Variants in KXD1 observed in about 807,000 individuals in gnomAD.
The protein encoded by KXD1 is KxDL motif containing 1, also known as kxDL motif-containing protein 1.
A neutral mutation model predicts 12.1 loss-of-function variants in KXD1; 5 were observed. The ratio of observed to expected loss-of-function variants is 0.41; its 90% CI spans 0.22 to 0.87. The LOEUF is 0.87. Among genes scored for constraint, KXD1 ranks in the 40% least tolerant of loss-of-function variants. The pLI is 0.31. For missense variants in KXD1, 193 were observed against 244.9 expected (o/e 0.79, Z 1.41); for synonymous variants, 98 against 100.5 (o/e 0.98, Z 0.15).
chr19:18,568,355 G>T, intron 4 of KXD1, 47 bp from the exon 5 acceptor site: 1 of 1,427,202 alleles, frequency 7.0e-7, no homozygotes, highest in Non-Finnish European at 9.8e-7. Flanking sequence ...CTACATCACA[G>T]AGCTTGGCAA....
chr19:18,559,918 CCTCT>C (rs534612765), intron 1 of KXD1: 5 of 151,294 alleles, frequency 3.3e-5, no homozygotes, highest in South Asian at 2.1e-4. Flanking sequence ...CTCTTTCTCT[CCTCT>C]CTCTTTCTCT....
chr19:18,566,492 A>G (rs980482524), intron 3 of KXD1, among the ~76,000 whole-genome samples: 10 of 151,160 alleles, frequency 6.6e-5, no homozygotes, highest in African/African-American at 2.4e-4. Flanking sequence ...CTAGACACAT[A>G]ATGAAAAGGC....
At chr19:18,566,455 CAA>C (rs564291660) in intron 3 of KXD1, among the ~76,000 whole-genome samples, 10 of 116,618 alleles carry the variant, frequency 8.6e-5, no homozygotes, top group Admixed American at 1.8e-4. Context: ...GACTCCGTCT[CAA>C]AAAAAAAAAA....
In KXD1 at chr19:18,568,439, A is replaced by G. The variant is rs1243508999; in HGVS notation, c.339A>G (p.Glu113=). 4.3e-6 allele frequency: 7 copies of G among 1,613,874 alleles called. No individual in the cohort carries two copies. The East Asian group carries it at 1.3e-4, about 31-fold the overall frequency. ...PEASFLEEED[E]DPIPPSTTTT... is the part of the protein sequence containing the mutation. ...CATCCTTCCTGGAGGAAGAGGATGA[A>G]GACCCCATCCCACCCAGCACCACGA... Residue 113 remains glutamate (E), a synonymous_variant, in exon 5 of 5, where the codon GAA becomes GAG. Coordinates refer to ENST00000222307, the MANE Select transcript of KXD1 (RefSeq NM_024069.4).
chr19:18,562,433 A>C (rs1227744997), intron 2 of KXD1, among the ~76,000 whole-genome samples: 1 of 151,998 alleles, frequency 6.6e-6, no homozygotes, highest in Admixed American at 6.6e-5. Flanking sequence ...GAAGGACCAG[A>C]GGGGGCCACA....
intron 1 of KXD1, chr19:18,559,892 CTT>C (rs1974852963): frequency 7.0e-6 from 1 of 143,046 alleles, no homozygotes; most frequent in African/African-American, 2.5e-5. Context: ...TTCTTTCTCT[CTT>C]TCTCTGTCTC....
chr19:18,559,034 C>A (rs1977029884), intron 1 of KXD1: 1 of 126,026 alleles, frequency 7.9e-6, no homozygotes, highest in South Asian at 2.8e-4. Context: ...GTAGCCCACA[C>A]TAGAATGCAG....
chr19:18,564,980 A>G lies in KXD1; in HGVS notation c.213A>G (p.Val71=). The change falls in exon 3 of 5, where the codon GTA becomes GTG. Residue 71 remains valine, a synonymous_variant. Coordinates refer to ENST00000222307, the MANE Select transcript of KXD1 (RefSeq NM_024069.4). The part of the protein sequence containing the change: ...ERFLHHTRTL[V]EMKRDLDSIF... ...TCCTGCACCACACGAGGACCCTAGT[A>G]GAGATGAAACGGGACCTGGACAGCA... 6.2e-7 allele frequency: 1 copy of G among 1,610,900 alleles called. No individual in the cohort carries two copies. Among genetic ancestry groups the G allele is most frequent in the Non-Finnish European group, 8.5e-7 (1 of 1,179,986 alleles).
Position 18,562,121 on chromosome 19 carries a change from A to G in KXD1, c.65A>G (p.Asp22Gly). The change falls in exon 2 of 5, where the codon GAT (aspartate) becomes GGT (glycine). Residue 22 changes from aspartate to glycine, a missense_variant. Transcript: ENST00000222307. ...CGRILSMVNT[D>G]DVNAIILAQK... is the part of the protein sequence containing the mutation. ...CGCATCCTGAGCATGGTGAACACAG[A>G]TGATGTCAACGCCATCATCCTGGCC... 6.2e-7 allele frequency: 1 copy of G among 1,613,214 alleles called. No individual in the cohort carries two copies. Among genetic ancestry groups the G allele is most frequent in the Non-Finnish European group, 8.5e-7 (1 of 1,179,554 alleles).
rs1975394941 is a variant in KXD1, at chr19:18,569,008, T to C, written c.*377T>C. ...TCCCCCACCACCGGTCAGGACCTCC[T>C]TGAGGTGCACAAGCACGGTCTCCTC... is the stretch of plus-strand genomic sequence containing the variant. On this transcript the variant is annotated 3_prime_UTR_variant, in exon 5 of 5. Coordinates refer to ENST00000222307, the MANE Select transcript of KXD1 (RefSeq NM_024069.4). The C allele has an allele frequency of 1.9e-5, 5 of 257,812 alleles. No homozygotes were observed. The Admixed American group carries it at 2.5e-4, about 13-fold the overall frequency. The allele number at this position is 257,812 out of a possible 1,614,324, so 16.0% of individuals were successfully genotyped here. A position where few individuals can be genotyped will look rare whatever the true frequency, so the allele number is the denominator to read the frequency against.
intron 4 of KXD1, 86 bp from the exon 5 acceptor site, chr19:18,568,316 G>C: frequency 2.1e-6 from 2 of 932,658 alleles, no homozygotes; most frequent in South Asian, 1.5e-5. Context: ...GGTGAGGGCA[G>C]CCGTTAGGGG....
chr19:18,562,217 T>C (rs1189941560), intron 2 of KXD1, 60 bp downstream of exon 2: 1 of 1,319,490 alleles, frequency 7.6e-7, no homozygotes, highest in East Asian at 2.6e-5. Flanking sequence ...CCAACATTCT[T>C]GTCTTGCCCG....
chr19:18,569,255 A>T lies in KXD1; in HGVS notation c.*624A>T, dbSNP rs1286717661. 1 of 152,940 alleles carries T rather than the reference A, an allele frequency of 6.5e-6. No individual in the cohort carries two copies. Among genetic ancestry groups the T allele is most frequent in the Non-Finnish European group, 1.5e-5 (1 of 68,280 alleles). 9.5% of individuals were successfully genotyped at this position (152,940 alleles called of 1,614,324 possible). On this transcript the variant is annotated 3_prime_UTR_variant, in exon 5 of 5. Coordinates refer to ENST00000222307, the MANE Select transcript of KXD1 (RefSeq NM_024069.4). ...CTGAGGGGCCAGCAGGCCTCTCTGA[A>T]GGCCTCCATGGAGCAAACGGAGCCA...
intron 3 of KXD1, among the ~76,000 whole-genome samples, chr19:18,566,877 C>T (rs1975266664): frequency 6.6e-6 from 1 of 152,162 alleles, no homozygotes; most frequent in Non-Finnish European, 1.5e-5. Context: ...TGCCTAGGCT[C>T]AGAGCACCCA....
intron 1 of KXD1, among the ~76,000 whole-genome samples, chr19:18,561,036 G>A (rs1307044385): frequency 6.6e-6 from 1 of 152,012 alleles, no homozygotes; most frequent in African/African-American, 2.4e-5. Context: ...ACGTTGTGGC[G>A]GTGACAGGCA....
chr19:18,568,157 C>T (rs1975346625), intron 4 of KXD1, among the ~76,000 whole-genome samples: 1 of 151,576 alleles, frequency 6.6e-6, no homozygotes, highest in Non-Finnish European at 1.5e-5. Context: ...GTCTCAGCTA[C>T]TCAGGAGGTT....
chr19:18,559,166 T>C (rs1196925871), intron 1 of KXD1: 3 of 152,032 alleles, frequency 2.0e-5, no homozygotes. Context: ...TTTTGTATTT[T>C]TAGTAGAGAC....
At position 18,564,981 on chromosome 19, in the gene KXD1, G is replaced by C. The variant is rs1220301403; in HGVS notation, c.214G>C (p.Glu72Gln). Residue 72 changes from glutamate to glutamine, a missense_variant, in exon 3 of 5, where the codon GAG becomes CAG. Glu to Gln is a conservative substitution (Grantham distance 29). Coordinates refer to ENST00000222307, the MANE Select transcript of KXD1 (RefSeq NM_024069.4). ...CCTGCACCACACGAGGACCCTAGTA[G>C]AGATGAAACGGGACCTGGACAGCAT... The part of the protein sequence containing the change: ...RFLHHTRTLV[E>Q]MKRDLDSIFR... 5 of 1,610,288 alleles carry C rather than the reference G, an allele frequency of 3.1e-6. No individual in the cohort carries two copies. Among genetic ancestry groups the C allele is most frequent in the Non-Finnish European group, 4.2e-6 (5 of 1,180,000 alleles).
intron 2 of KXD1, among the ~76,000 whole-genome samples, chr19:18,563,662 G>A (rs965849088): frequency 9.9e-5 from 15 of 151,738 alleles, no homozygotes; most frequent in Admixed American, 9.8e-4. Context: ...CGCCACCACG[G>A]CCAGCTAATT....
Sources: gnomAD v4.1 joint callset for allele counts (sites outside exome capture counted in the v4.1 genomes callset) on GRCh38, gnomAD v4.1.1 for gene constraint, MANE v1.5 for transcripts, NCBI Gene and HGNC (gene_info 2026-07-23, HGNC 2026-07-21) for gene names.